The following GLIS3 variants were observed in gnomAD, a reference collection of about 807,000 sequenced individuals.
GLIS3 encodes GLIS family zinc finger 3.
GLIS3 carries 53 observed loss-of-function variants against 78.6 expected under a neutral mutation model. The ratio of observed to expected loss-of-function variants is 0.67; its 90% CI spans 0.54 to 0.85. The LOEUF is 0.85. GLIS3 is among the 40% of genes least tolerant of loss of function. The probability of loss-of-function intolerance (pLI) is 0.00; values close to 1 mark genes in which losing one functional copy is unlikely to be tolerated. For synonymous variants in GLIS3, 684 were observed against 509.9 expected (o/e 1.34, Z -4.60); for missense variants, 1,703 against 1,231.1 (o/e 1.38, Z -5.74).
At chr9:3,962,957 G>C (rs929707076) in intron 4 of GLIS3, among the ~76,000 whole-genome samples, 5 of 150,712 alleles carry the variant, frequency 3.3e-5, no homozygotes, top group Non-Finnish European at 5.9e-5. Flanking sequence ...GGGGGGGGGG[G>C]GGAGAGAGAT....
At chr9:3,861,713 C>T (rs555364670) in intron 8 of GLIS3, among the ~76,000 whole-genome samples, 2 of 152,230 alleles carry the variant, frequency 1.3e-5, no homozygotes, top group East Asian at 3.9e-4. Flanking sequence ...AATGTTCTCA[C>T]TTATAAGTGG....
the GLIS3 span, among the ~76,000 whole-genome samples, chr9:4,484,699 G>GA: frequency 2.0e-5 from 3 of 152,056 alleles, no homozygotes; most frequent in African/African-American, 7.2e-5. Context: ...TTATAGGCGT[G>GA]AGCCACTGTG....
the GLIS3 span, among the ~76,000 whole-genome samples, chr9:4,439,559 A>C: frequency 6.6e-6 from 1 of 152,070 alleles, no homozygotes; most frequent in Non-Finnish European, 1.5e-5. Context: ...TTTGACCAAC[A>C]TCTCCTCATC....
intron 4 of GLIS3, among the ~76,000 whole-genome samples, chr9:3,988,537 C>T (rs1200053999): frequency 2.0e-5 from 3 of 151,986 alleles, no homozygotes; most frequent in Admixed American, 6.6e-5. Context: ...GTAATCAAGA[C>T]AATGTGGTAT....
At chr9:4,014,836 C>A (rs553953369) in intron 4 of GLIS3, among the ~76,000 whole-genome samples, 119 of 152,316 alleles carry the variant, frequency 7.8e-4, no homozygotes, top group African/African-American at 2.8e-3. Context: ...CCCAATGTCA[C>A]AGGGCTGAAT....
At chr9:4,373,384 T>A in the GLIS3 span, among the ~76,000 whole-genome samples, 9 of 152,170 alleles carry the variant, frequency 5.9e-5, no homozygotes, top group Non-Finnish European at 1.5e-5. Context: ...TAATTCAGAA[T>A]CTGGGAGTAG....
chr9:3,862,758 G>A (rs1009020620), intron 8 of GLIS3, among the ~76,000 whole-genome samples: 69 of 151,982 alleles, frequency 4.5e-4, no homozygotes, highest in African/African-American at 1.5e-3. Context: ...CTTTCCCTCC[G>A]CCCCCCGTCT....
intron 2 of GLIS3, among the ~76,000 whole-genome samples, chr9:4,195,446 G>A (rs1338781072): frequency 6.6e-6 from 1 of 152,210 alleles, no homozygotes; most frequent in Non-Finnish European, 1.5e-5. Flanking sequence ...ACCCGGGCCA[G>A]CAGCTGCAGA....
chr9:4,456,418 G>A, the GLIS3 span, among the ~76,000 whole-genome samples: 1 of 152,196 alleles, frequency 6.6e-6, no homozygotes, highest in African/African-American at 2.4e-5. Context: ...AGCATGTGAT[G>A]TTATTTGGCT....
At chr9:4,262,497 T>C (rs7043929) in intron 2 of GLIS3, among the ~76,000 whole-genome samples, 32,448 of 152,000 alleles carry the variant, frequency 0.21, 3,635 homozygotes, top group Admixed American at 0.25. Context: ...AGGTATTTTT[T>C]TCATTATACT....
At position 3,857,564 on chromosome 9, in the gene GLIS3, G is replaced by C. The variant is rs181174500; in HGVS notation, c.2298-1380C>G. 2.6e-5 allele frequency among the ~76,000 whole-genome samples: 4 copies of C among 152,322 alleles called. No homozygotes were observed. The East Asian group carries it at 7.7e-4, about 29-fold the overall frequency. Reference sequence around the variant, plus strand: ...AGAAGAAAGTGAATGTAAGAACCAAGAAAGTAGGAGTAGGACTCGCTAACC... The same window carrying C: ...AGAAGAAAGTGAATGTAAGAACCAACAAAGTAGGAGTAGGACTCGCTAACC... On this transcript the variant is annotated intron_variant, in intron 8 of 10. Coordinates refer to ENST00000381971, the MANE Select transcript of GLIS3 (RefSeq NM_001042413.2).
chr9:4,368,795 C>G, the GLIS3 span, among the ~76,000 whole-genome samples: 165 of 152,242 alleles, frequency 1.1e-3, 1 homozygote, highest in African/African-American at 3.8e-3. Flanking sequence ...TTTTGAAGGA[C>G]CCCTCTTGCT....
At chr9:3,976,709 C>T (rs531704731) in intron 4 of GLIS3, among the ~76,000 whole-genome samples, 3 of 145,842 alleles carry the variant, frequency 2.1e-5, no homozygotes, top group Non-Finnish European at 4.5e-5. Context: ...AGGACACACC[C>T]ATTTACTTGC....
intron 2 of GLIS3, among the ~76,000 whole-genome samples, chr9:4,245,966 A>T (rs958836126): frequency 6.6e-6 from 1 of 152,188 alleles, no homozygotes; most frequent in African/African-American, 2.4e-5. Context: ...ACATAAAATC[A>T]GAGAAAAGTA....
intron 2 of GLIS3, among the ~76,000 whole-genome samples, chr9:4,240,007 C>T (rs1421438254): frequency 6.6e-6 from 1 of 152,092 alleles, no homozygotes; most frequent in Non-Finnish European, 1.5e-5. Flanking sequence ...TGAATTATTT[C>T]TGCAACCATT....
intron 2 of GLIS3, among the ~76,000 whole-genome samples, chr9:4,341,857 G>C (rs564792060): frequency 1.3e-5 from 2 of 152,260 alleles, no homozygotes; most frequent in East Asian, 3.9e-4. Context: ...TCTCATAACA[G>C]TTAAGCATAC....
At chr9:4,214,392 T>C (rs984870865) in intron 2 of GLIS3, among the ~76,000 whole-genome samples, 1 of 152,166 alleles carries the variant, frequency 6.6e-6, no homozygotes, top group Non-Finnish European at 1.5e-5. Context: ...ACAACATGTG[T>C]CGGAATCAGC....
chr9:4,218,935 T>C (rs934593435), intron 2 of GLIS3, among the ~76,000 whole-genome samples: 2 of 152,242 alleles, frequency 1.3e-5, no homozygotes, highest in Non-Finnish European at 2.9e-5. Flanking sequence ...TCCTTTCTCT[T>C]CCTTTATTCT....
intron 2 of GLIS3, among the ~76,000 whole-genome samples, chr9:4,185,607 C>T (rs1249752855): frequency 6.6e-6 from 1 of 152,090 alleles, no homozygotes; most frequent in East Asian, 1.9e-4. Context: ...AATTACAATG[C>T]TTTAAGGAAG....
Sources: allele counts gnomAD v4.1 joint callset (sites outside exome capture counted in the v4.1 genomes callset), GRCh38; gene constraint gnomAD v4.1.1; transcripts MANE v1.5; gene names NCBI Gene and HGNC (gene_info 2026-07-23, HGNC 2026-07-21).